SCYL3: variants seen among roughly 807,000 people sequenced by gnomAD.
SCYL3 encodes protein-associating with the carboxyl-terminal domain of ezrin.
In SCYL3, 35 loss-of-function variants were observed where a neutral mutation model predicts 73.8. The ratio of observed to expected loss-of-function variants is 0.47; its 90% CI spans 0.36 to 0.63. The LOEUF is 0.63. Ranked by LOEUF, SCYL3 falls within the 20% of genes least tolerant of loss-of-function variation. The pLI, the probability that SCYL3 is intolerant of heterozygous loss-of-function variation, is 0.00. For missense variants in SCYL3, 712 were observed against 798.9 expected (o/e 0.89, Z 1.31); for synonymous variants, 277 against 295.2 (o/e 0.94, Z 0.63).
At chr1:169,889,773 C>T (rs1002915901) in intron 1 of SCYL3, among the ~76,000 whole-genome samples, 7 of 152,112 alleles carry the variant, frequency 4.6e-5, no homozygotes, top group Admixed American at 2.6e-4. Context: ...ATGATGGTAA[C>T]GGGTGATTAT....
intron 9 of SCYL3, 126 bp downstream of exon 9, chr1:169,864,243 A>T: frequency 3.1e-6 from 4 of 1,271,880 alleles, no homozygotes; most frequent in Non-Finnish European, 4.5e-6. Context: ...ATCAGGGGCC[A>T]ACAATTGTTC....
rs757250605 is a variant in SCYL3, at chr1:169,851,784, G to A, written c.*1929C>T. 3.7e-5 allele frequency: 59 copies of A among 1,607,124 alleles called. No homozygotes were observed. Among genetic ancestry groups the A allele is most frequent in the Non-Finnish European group, 4.1e-5 (48 of 1,176,492 alleles). ...ATATCTAGTAGAGTGCTAACATGTT[G>A]CTATTTGCTTGGTTTTTCATGGTCC... On this transcript the variant is annotated 3_prime_UTR_variant, in exon 13 of 13. Transcript: ENST00000367771.
At chr1:169,858,965 C>G in intron 11 of SCYL3, 76 bp downstream of exon 11, 1 of 1,270,832 alleles carries the variant, frequency 7.9e-7, no homozygotes, top group Admixed American at 2.1e-5. Context: ...GAATATGACC[C>G]TCCTACATTA....
Position 169,868,912 on chromosome 1 carries a change from C to T in SCYL3, c.737+16G>A. On this transcript the variant is annotated intron_variant, in intron 7 of 12. Coordinates refer to ENST00000367771, the MANE Select transcript of SCYL3 (RefSeq NM_020423.7). ...GTTCCGGAAGCAGCTGGCGTCACCA[C>T]ACCAGATGCCCTCACCTGAAGAAGT... 8 of 1,596,474 alleles carry T rather than the reference C, an allele frequency of 5.0e-6. No individual in the cohort carries two copies. The highest frequency in any genetic ancestry group is 6.9e-6 in the Non-Finnish European group (8 of 1,164,486).
intron 2 of SCYL3, among the ~76,000 whole-genome samples, chr1:169,886,516 T>A (rs879570282): frequency 6.6e-6 from 1 of 152,306 alleles, no homozygotes; most frequent in Non-Finnish European, 1.5e-5. Flanking sequence ...AGAGCACTTA[T>A]ATAGCATCTA....
At chr1:169,883,446 T>C (rs746650092) in intron 2 of SCYL3, among the ~76,000 whole-genome samples, 4 of 152,194 alleles carry the variant, frequency 2.6e-5, no homozygotes, top group Non-Finnish European at 5.9e-5. Flanking sequence ...GTCTACCCTA[T>C]ACAATCACTG....
chr1:169,854,229 C>T (rs748364285), intron 12 of SCYL3, 41 bp downstream of exon 12: 1 of 1,467,986 alleles, frequency 6.8e-7, no homozygotes, highest in African/African-American at 1.4e-5. Flanking sequence ...TGAGGGAAAT[C>T]CTAAAGCTAG....
intron 8 of SCYL3, 71 bp downstream of exon 8, chr1:169,866,825 A>G (rs1348624795): frequency 4.7e-6 from 4 of 853,236 alleles, no homozygotes; most frequent in Non-Finnish European, 7.6e-6. Context: ...CATCTTCTCT[A>G]GAATACCTAA....
chr1:169,855,084 A>G (rs1239643471), intron 11 of SCYL3, 120 bp from the exon 12 acceptor site: 1 of 682,202 alleles, frequency 1.5e-6, no homozygotes, highest in Non-Finnish European at 2.4e-6. Context: ...ATATCCATGC[A>G]TACTAAACAA....
At chr1:169,855,794 A>G (rs1196731529) in intron 11 of SCYL3, 7 of 1,610,970 alleles carry the variant, frequency 4.3e-6, no homozygotes, top group African/African-American at 2.7e-5. Flanking sequence ...TAATATTTCT[A>G]CCTGTCTGTA....
chr1:169,851,179 G>T lies in SCYL3; in HGVS notation c.*2534C>A, dbSNP rs185422154. 1.3e-5 allele frequency: 2 copies of T among 151,366 alleles called. No homozygotes were observed. The highest frequency in any genetic ancestry group is 4.9e-5 in the African/African-American group (2 of 40,592). 9.4% of individuals were successfully genotyped at this position (151,366 alleles called of 1,614,324 possible). On this transcript the variant is annotated 3_prime_UTR_variant, in exon 13 of 13. Transcript: ENST00000367771. ...GTCTATGCATACTTGGGAACTTAGT[G>T]TGAGGAAATAATAGTTAATTGAAAT...
At position 169,888,796 on chromosome 1, in the gene SCYL3, T is replaced by C. The variant is rs1272671968; in HGVS notation, c.45A>G (p.Glu15=). ...GTCCAGAGGGTAAGGTAAATGGTGG[T>C]TCTCTCAGTGTATAGCTCTTTAAAG... ...NSALKSYTLR[E]PPFTLPSGLA... Residue 15 remains glutamate (E), a synonymous_variant, in exon 2 of 13, where the codon GAA becomes GAG. Coordinates refer to ENST00000367771, the MANE Select transcript of SCYL3 (RefSeq NM_020423.7). 1 of 1,614,104 alleles carries C rather than the reference T, an allele frequency of 6.2e-7. No individual in the cohort carries two copies. The highest frequency in any genetic ancestry group is 1.3e-5 in the African/African-American group (1 of 75,060).
chr1:169,859,765 G>C (rs929167289), intron 10 of SCYL3: 2 of 152,374 alleles, frequency 1.3e-5, no homozygotes, highest in African/African-American at 4.8e-5. Context: ...TGCCAGGCAG[G>C]GACAAGTGCC....
chr1:169,865,033 A>C, intron 8 of SCYL3, among the ~76,000 whole-genome samples: 1 of 151,510 alleles, frequency 6.6e-6, no homozygotes, highest in Non-Finnish European at 1.5e-5. Flanking sequence ...CCTCCAATTC[A>C]CACCAGGAAA....
At chr1:169,880,697 T>C (rs536314473) in intron 2 of SCYL3, among the ~76,000 whole-genome samples, 3 of 151,422 alleles carry the variant, frequency 2.0e-5, no homozygotes, top group Non-Finnish European at 2.9e-5. Flanking sequence ...AAAGGGAAAC[T>C]TGGATCTTCA....
chr1:169,882,448 T>C (rs984317061), intron 2 of SCYL3, among the ~76,000 whole-genome samples: 1 of 152,046 alleles, frequency 6.6e-6, no homozygotes, highest in Non-Finnish European at 1.5e-5. Context: ...CGCCCCCTGC[T>C]CCACGGAGCC....
chr1:169,860,092 T>G (rs1433705707), intron 10 of SCYL3: 5 of 152,196 alleles, frequency 3.3e-5, no homozygotes, highest in Non-Finnish European at 7.3e-5. Flanking sequence ...ACTTGGAAGT[T>G]ATGGGACAAC....
chr1:169,868,073 A>G (rs1230192960), intron 7 of SCYL3, among the ~76,000 whole-genome samples: 1 of 152,252 alleles, frequency 6.6e-6, no homozygotes, highest in Non-Finnish European at 1.5e-5. Context: ...AAAGACGATC[A>G]TAATGGGAAA....
chr1:169,886,828 T>C (rs557047604), intron 2 of SCYL3, among the ~76,000 whole-genome samples: 2 of 152,346 alleles, frequency 1.3e-5, no homozygotes, highest in South Asian at 2.1e-4. Context: ...CTGCATTTCA[T>C]CTTGGTGTAT....
Sources: allele counts gnomAD v4.1 joint callset (sites outside exome capture counted in the v4.1 genomes callset), GRCh38; gene constraint gnomAD v4.1.1; transcripts MANE v1.5; gene names NCBI Gene and HGNC (gene_info 2026-07-23, HGNC 2026-07-21).